ASTN2: variants seen among roughly 807,000 people sequenced by gnomAD.
ASTN2 encodes the protein astrotactin-2.
Under a neutral mutation model 139.8 loss-of-function variants are expected in ASTN2, and 54 were observed. The observed-to-expected ratio is 0.39, with a 90% confidence interval of 0.31 to 0.48. The LOEUF (loss-of-function observed/expected upper bound fraction) is 0.48. Among genes scored for constraint, ASTN2 ranks in the 20% least tolerant of loss-of-function variants. The pLI is 0.95. For synonymous variants in ASTN2, 756 were observed against 719.5 expected, an observed-to-expected ratio of 1.05 and a Z score of -0.81; for missense variants, 1,565 against 1,725.1, an observed-to-expected ratio of 0.91 and a Z score of 1.64.
chr9:116,947,942 A>C (rs774224829), intron 10 of ASTN2, among the ~76,000 whole-genome samples: 13 of 94,530 alleles, frequency 1.4e-4, no homozygotes, highest in South Asian at 2.9e-4. Flanking sequence ...TTAGTCTTTA[A>C]ATTCAGAATG....
chr9:117,255,054 C>G (rs989804655), intron 2 of ASTN2, among the ~76,000 whole-genome samples: 2 of 152,118 alleles, frequency 1.3e-5, no homozygotes, highest in African/African-American at 4.8e-5. Context: ...CACAAATAAT[C>G]ACAGTTCTTC....
chr9:117,028,860 C>G (rs937751273), intron 6 of ASTN2, among the ~76,000 whole-genome samples: 1 of 152,096 alleles, frequency 6.6e-6, no homozygotes, highest in Non-Finnish European at 1.5e-5. Flanking sequence ...ACTTTGAACC[C>G]CAGTATTTCT....
chr9:116,932,047 T>A (rs7025505), intron 10 of ASTN2, among the ~76,000 whole-genome samples: 3 of 151,972 alleles, frequency 2.0e-5, no homozygotes, highest in African/African-American at 4.8e-5. Flanking sequence ...TAGTAGAGTG[T>A]GAGTTTGAAG....
chr9:116,838,352 C>G (rs577433790), intron 11 of ASTN2, among the ~76,000 whole-genome samples: 2 of 151,814 alleles, frequency 1.3e-5, no homozygotes, highest in Admixed American at 1.3e-4. Flanking sequence ...TCAGGTGATC[C>G]GCCCGCCTCA....
chr9:117,184,773 C>G (rs1272170156), intron 3 of ASTN2, among the ~76,000 whole-genome samples: 1 of 152,148 alleles, frequency 6.6e-6, no homozygotes, highest in Non-Finnish European at 1.5e-5. Flanking sequence ...CACAGTTCCA[C>G]TGAAGAATGC....
intron 1 of ASTN2, among the ~76,000 whole-genome samples, chr9:117,330,868 G>A (rs1828686969): frequency 6.6e-6 from 1 of 152,162 alleles, no homozygotes; most frequent in Admixed American, 6.5e-5. Context: ...GCCCTTCTCC[G>A]GATCTTCTCT....
chr9:116,743,253 A>G (rs890882590), intron 13 of ASTN2, among the ~76,000 whole-genome samples: 2 of 152,154 alleles, frequency 1.3e-5, no homozygotes, highest in Non-Finnish European at 2.9e-5. Flanking sequence ...TCCTTAATCA[A>G]AAAATGGAAA....
intron 19 of ASTN2, among the ~76,000 whole-genome samples, chr9:116,531,708 T>C (rs1177506952): frequency 6.6e-6 from 1 of 152,232 alleles, no homozygotes; most frequent in Non-Finnish European, 1.5e-5. Flanking sequence ...TCCTTTTTTA[T>C]GGCTACATAG....
At chr9:116,671,475 G>T (rs1258856442) in intron 16 of ASTN2, among the ~76,000 whole-genome samples, 1 of 151,982 alleles carries the variant, frequency 6.6e-6, no homozygotes, top group South Asian at 2.1e-4. Flanking sequence ...AAGAAAAGGA[G>T]GGAGGAAAGA....
chr9:117,310,107 T>A (rs1306790493), intron 1 of ASTN2, among the ~76,000 whole-genome samples: 1 of 152,200 alleles, frequency 6.6e-6, no homozygotes, highest in Non-Finnish European at 1.5e-5. Context: ...CATATATGTA[T>A]GTGTGTACAC....
intron 1 of ASTN2, among the ~76,000 whole-genome samples, chr9:117,299,158 T>C (rs1834812778): frequency 6.6e-6 from 1 of 152,214 alleles, no homozygotes; most frequent in African/African-American, 2.4e-5. Context: ...AAAAATACAC[T>C]GGACCACGAA....
intron 16 of ASTN2, among the ~76,000 whole-genome samples, chr9:116,710,395 G>A (rs549208130): frequency 1.3e-5 from 2 of 152,020 alleles, no homozygotes; most frequent in Non-Finnish European, 2.9e-5. Flanking sequence ...GACAACAGAT[G>A]TTTAGAGTTA....
intron 2 of ASTN2, among the ~76,000 whole-genome samples, chr9:117,216,444 G>GA (rs1416737716): frequency 6.6e-6 from 1 of 152,204 alleles, no homozygotes; most frequent in Non-Finnish European, 1.5e-5. Flanking sequence ...GTTTCCCCAA[G>GA]AAAGTTTCTC....
In ASTN2 at chr9:117,414,679, C is replaced by G; in HGVS notation, c.260G>C (p.Arg87Pro). 8.0e-7 allele frequency: 1 copy of G among 1,248,556 alleles called. No individual in the cohort carries two copies. Among genetic ancestry groups the G allele is most frequent in the Non-Finnish European group, 1.0e-6 (1 of 1,000,406 alleles). The allele number at this position is 1,248,556 out of a possible 1,614,324, so 77.3% of individuals were successfully genotyped here. A position where few individuals can be genotyped will look rare whatever the true frequency, so the allele number is the denominator to read the frequency against. The change falls in exon 1 of 23, where the codon CGC becomes CCC. Residue 87 changes from arginine (R) to proline (P), a missense_variant. Arg to Pro is a moderately radical substitution (Grantham distance 103, BLOSUM62 -2). This residue lies in a region of ASTN2 where 596 missense variants were observed against 576.8 expected (regional missense o/e 1.03). Coordinates refer to ENST00000313400, the MANE Select transcript of ASTN2 (RefSeq NM_001365068.1). The surrounding 1 kb of genome is among the most constrained non-coding windows in gnomAD (Gnocchi z 4.2). ...RESDIGWSGA[R>P]AGAGAGTGAG... is the part of the protein sequence containing the mutation. ...CCCGGTCCCAGCCCCGGCCCCGGCG[C>G]GGGCGCCGCTCCAGCCGATGTCGCT...
At chr9:116,629,966 T>C (rs1396442920) in intron 17 of ASTN2, among the ~76,000 whole-genome samples, 1 of 152,192 alleles carries the variant, frequency 6.6e-6, no homozygotes, top group African/African-American at 2.4e-5. Context: ...CAAGGAGTAA[T>C]TTTTCTTGTC....
At chr9:116,667,650 G>A (rs1858947534) in intron 16 of ASTN2, among the ~76,000 whole-genome samples, 1 of 152,086 alleles carries the variant, frequency 6.6e-6, no homozygotes, top group Non-Finnish European at 1.5e-5. Context: ...AATTATTGCT[G>A]GGAAATAGAA....
At chr9:117,160,796 A>T (rs1830533206) in intron 3 of ASTN2, among the ~76,000 whole-genome samples, 1 of 152,038 alleles carries the variant, frequency 6.6e-6, no homozygotes, top group Non-Finnish European at 1.5e-5. Context: ...TGATACAAAG[A>T]ACTGAACTTG....
chr9:117,308,012 A>G (rs1483918910), intron 1 of ASTN2, among the ~76,000 whole-genome samples: 1 of 152,130 alleles, frequency 6.6e-6, no homozygotes, highest in African/African-American at 2.4e-5. Context: ...TTGTTATGGG[A>G]AAAAAATTTC....
At chr9:116,441,583 G>A (rs759208725) in intron 21 of ASTN2, among the ~76,000 whole-genome samples, 3 of 151,342 alleles carry the variant, frequency 2.0e-5, no homozygotes, top group Non-Finnish European at 4.4e-5. Context: ...AAAATGTTTC[G>A]AATCCCCTCC....
Sources: gnomAD v4.1 joint callset for allele counts (sites outside exome capture counted in the v4.1 genomes callset) on GRCh38, gnomAD v4.1.1 for gene constraint, gnomAD v4.1.1 regional missense constraint, Gnocchi (gnomAD v3.1) non-coding constraint, MANE v1.5 for transcripts, NCBI Gene and HGNC (gene_info 2026-07-23, HGNC 2026-07-21) for gene names.